CFAP77: variants seen among roughly 807,000 people sequenced by gnomAD.
CFAP77 encodes the protein cilia and flagella associated protein 77.
In CFAP77, 25 loss-of-function variants were observed where a neutral mutation model predicts 31.1. That is an observed-to-expected ratio of 0.80 (90% CI 0.59 to 1.12). CFAP77 has a LOEUF of 1.12. Among genes scored for constraint, CFAP77 ranks in the 50% most tolerant of loss-of-function variants. The pLI is 0.00. For synonymous variants in CFAP77, 151 were observed against 159.9 expected (o/e 0.94, Z 0.42); for missense variants, 377 against 397.3 (o/e 0.95, Z 0.44).
chr9:132,435,982 T>G (rs1035119676), intron 1 of CFAP77, among the ~76,000 whole-genome samples: 1 of 152,172 alleles, frequency 6.6e-6, no homozygotes, highest in Non-Finnish European at 1.5e-5. Flanking sequence ...GTGAGTGAAC[T>G]GAGATCGGCA....
rs1425165109 is a variant in CFAP77, at chr9:132,564,475, T to C, written c.733-7913T>C. ...GCCTGGAAATGTAAAATCACGCTTA[T>C]AAATAACTTAGCGATCAAAGGAGAA... On this transcript the variant is annotated intron_variant, in intron 5 of 5. Coordinates refer to ENST00000393216, the MANE Select transcript of CFAP77 (RefSeq NM_001282957.2). This position sits in a 1 kb window ranked among gnomAD's most constrained non-coding sequence, Gnocchi z 4.6. 1.3e-5 allele frequency among the ~76,000 whole-genome samples: 2 copies of C among 152,192 alleles called. No individual in the cohort carries two copies. Among genetic ancestry groups the C allele is most frequent in the African/African-American group, 4.8e-5 (2 of 41,442 alleles).
intron 1 of CFAP77, among the ~76,000 whole-genome samples, chr9:132,492,983 C>T (rs961456183): frequency 5.9e-5 from 9 of 152,146 alleles, no homozygotes; most frequent in South Asian, 2.1e-4. Flanking sequence ...CCAGCCTGGG[C>T]GGACACAGCC....
intron 1 of CFAP77, among the ~76,000 whole-genome samples, chr9:132,440,465 A>G (rs1394885769): frequency 1.3e-5 from 2 of 152,220 alleles, no homozygotes; most frequent in African/African-American, 2.4e-5. Flanking sequence ...ACCAGAGTAG[A>G]TACCATTGGT....
intron 5 of CFAP77, among the ~76,000 whole-genome samples, chr9:132,566,374 T>G (rs1262451036): frequency 2.0e-5 from 3 of 152,272 alleles, no homozygotes; most frequent in African/African-American, 7.2e-5. Flanking sequence ...ATCTGTAAAA[T>G]GGAGACAACG....
At chr9:132,519,304 A>G (rs1260390037) in intron 3 of CFAP77, among the ~76,000 whole-genome samples, 5 of 121,656 alleles carry the variant, frequency 4.1e-5, no homozygotes, top group Admixed American at 8.2e-5. Flanking sequence ...GGATGAATGG[A>G]TGGATGGGTG....
Position 132,539,903 on chromosome 9 carries a change from G to GT in CFAP77, c.630+2205dup, listed in dbSNP as rs1055293674. Reference sequence around the variant, plus strand: ...TTCTAGCCCCGCATTAGAGCTGGGAGTTTTTTTTGCTGTTTGTTTATTTTT... The same window carrying GT: ...TTCTAGCCCCGCATTAGAGCTGGGAGTTTTTTTTTGCTGTTTGTTTATTTTT... On this transcript the variant is annotated intron_variant, in intron 4 of 5. Coordinates refer to ENST00000393216, the MANE Select transcript of CFAP77 (RefSeq NM_001282957.2). This position sits in a 1 kb window ranked among gnomAD's most constrained non-coding sequence, Gnocchi z 4.3. 1.2e-4 allele frequency among the ~76,000 whole-genome samples: 19 copies of GT among 152,010 alleles called. No homozygotes were observed. Among genetic ancestry groups the GT allele is most frequent in the South Asian group, 1.2e-3 (6 of 4,812 alleles).
chr9:132,553,535 T>C (rs1449550522), intron 5 of CFAP77, among the ~76,000 whole-genome samples: 1 of 152,214 alleles, frequency 6.6e-6, no homozygotes, highest in Non-Finnish European at 1.5e-5. Flanking sequence ...GAAATCTGCC[T>C]TCTACCTTCC....
intron 3 of CFAP77, among the ~76,000 whole-genome samples, chr9:132,500,883 G>T (rs562780222): frequency 6.6e-6 from 1 of 152,186 alleles, no homozygotes; most frequent in Non-Finnish European, 1.5e-5. Context: ...GGAGATGGGG[G>T]GACACCAAGA....
At chr9:132,509,119 T>C (rs1429913911) in intron 3 of CFAP77, among the ~76,000 whole-genome samples, 1 of 152,194 alleles carries the variant, frequency 6.6e-6, no homozygotes, top group Non-Finnish European at 1.5e-5. Flanking sequence ...GGCCTGGCTT[T>C]CCACAGAGCA....
chr9:132,514,347 G>A (rs1414976665), intron 3 of CFAP77, among the ~76,000 whole-genome samples: 1 of 144,838 alleles, frequency 6.9e-6, no homozygotes, highest in Non-Finnish European at 1.5e-5. Flanking sequence ...GATCACCTTG[G>A]AAAAGGGGTA....
At chr9:132,567,575 T>A (rs1829899965) in intron 5 of CFAP77, among the ~76,000 whole-genome samples, 1 of 152,212 alleles carries the variant, frequency 6.6e-6, no homozygotes, top group African/African-American at 2.4e-5. Flanking sequence ...CATCGCTGCA[T>A]GCTGATTTGC....
At chr9:132,463,047 C>T (rs902014990) in intron 1 of CFAP77, among the ~76,000 whole-genome samples, 15 of 151,656 alleles carry the variant, frequency 9.9e-5, no homozygotes, top group African/African-American at 2.9e-4. Flanking sequence ...GATAGCAGGA[C>T]GGGGAGAGGC....
intron 1 of CFAP77, among the ~76,000 whole-genome samples, chr9:132,428,572 A>C (rs1272173357): frequency 6.6e-6 from 1 of 152,100 alleles, no homozygotes; most frequent in Non-Finnish European, 1.5e-5. Flanking sequence ...CCAAGATTGC[A>C]CCATTGCACT....
rs189965960 is a variant in CFAP77 at position 132,560,992 on chromosome 9, T to C, written c.733-11396T>C. Among the ~76,000 whole-genome samples, 4 of 152,182 alleles carry C rather than the reference T, an allele frequency of 2.6e-5. No homozygotes were observed. In the East Asian group the frequency reaches 7.7e-4, roughly 29 times the overall value. ...TGGACCACAGAGAAATGAGAGCCAG[T>C]GGCAGAATAACAATCTAGGGGACCA... On this transcript the variant is annotated intron_variant, in intron 5 of 5. Transcript: ENST00000393216.
intron 1 of CFAP77, among the ~76,000 whole-genome samples, chr9:132,428,776 T>A (rs555482522): frequency 6.6e-6 from 1 of 151,528 alleles, no homozygotes; most frequent in South Asian, 2.1e-4. Context: ...CACACCCAGG[T>A]CCCAAGGCCT....
chr9:132,532,097 G>T (rs1187131672), intron 3 of CFAP77, among the ~76,000 whole-genome samples: 1 of 151,788 alleles, frequency 6.6e-6, no homozygotes, highest in Non-Finnish European at 1.5e-5. Flanking sequence ...CACCGCAGGG[G>T]TAAAAGAACT....
At chr9:132,550,489 G>GC (rs1465267657) in intron 5 of CFAP77, among the ~76,000 whole-genome samples, 1 of 148,900 alleles carries the variant, frequency 6.7e-6, no homozygotes, top group African/African-American at 2.5e-5. Flanking sequence ...AATTTGGGGA[G>GC]CAGCATCTTC....
Position 132,511,469 on chromosome 9 carries a change from C to T in CFAP77, c.524+11869C>T, listed in dbSNP as rs117832799. On this transcript the variant is annotated intron_variant, in intron 3 of 5. Coordinates refer to ENST00000393216, the MANE Select transcript of CFAP77 (RefSeq NM_001282957.2). The surrounding 1 kb of genome is among the most constrained non-coding windows in gnomAD (Gnocchi z 5.8). Reference sequence around the variant, plus strand: ...ACTCAGTGGGGCGGGCCTGGTGTTGCCCACTCCTCCTTCCCCAGTGCCAAG... The same window carrying T: ...ACTCAGTGGGGCGGGCCTGGTGTTGTCCACTCCTCCTTCCCCAGTGCCAAG... Among the ~76,000 whole-genome samples the T allele has an allele frequency of 0.028, 4,283 of 152,312 alleles. 109 individuals carry two copies. Among genetic ancestry groups the T allele is most frequent in the Non-Finnish European group, 0.037 (2,485 of 68,024 alleles).
intron 3 of CFAP77, among the ~76,000 whole-genome samples, chr9:132,529,414 A>G (rs1356472765): frequency 1.5e-5 from 2 of 135,254 alleles, no homozygotes; most frequent in Admixed American, 7.2e-5. Context: ...GCTAAATGAC[A>G]CGTTAGTGGG....
Sources: allele counts gnomAD v4.1 joint callset (sites outside exome capture counted in the v4.1 genomes callset), GRCh38; gene constraint gnomAD v4.1.1; non-coding constraint Gnocchi (gnomAD v3.1); transcripts MANE v1.5; gene names NCBI Gene and HGNC (gene_info 2026-07-23, HGNC 2026-07-21).